The following FBXL20 variants were observed in gnomAD, a reference collection of about 807,000 sequenced individuals.
The protein encoded by FBXL20 is F-box and leucine rich repeat protein 20, also known as F-box/LRR-repeat protein 20.
FBXL20 carries 11 observed loss-of-function variants against 64.0 expected under a neutral mutation model. The observed-to-expected ratio is 0.17, with a 90% confidence interval of 0.11 to 0.28. The LOEUF (loss-of-function observed/expected upper bound fraction) is 0.28, where lower values mean the gene tolerates loss of function less well. FBXL20 is among the 10% of genes least tolerant of loss of function. The pLI is 1.00. For synonymous variants in FBXL20, 184 were observed against 189.0 expected, an observed-to-expected ratio of 0.97 and a Z score of 0.22; for missense variants, 303 against 526.2, an observed-to-expected ratio of 0.58 and a Z score of 4.15.
At chr17:39,303,316 A>T (rs1399941754) in intron 3 of FBXL20, among the ~76,000 whole-genome samples, 1 of 152,144 alleles carries the variant, frequency 6.6e-6, no homozygotes, top group Non-Finnish European at 1.5e-5. Flanking sequence ...TCAAGTCTAA[A>T]CTTTTAATAT....
At chr17:39,372,516 CAAAAAAAAAAAAAAA>C (rs747264126) in intron 1 of FBXL20, among the ~76,000 whole-genome samples, 1 of 41,162 alleles carries the variant, frequency 2.4e-5, no homozygotes, top group Admixed American at 3.4e-4. Flanking sequence ...AGACTCTGAC[CAAAAAAAAAAAAAAA>C]AAAAAAAAAA....
At chr17:39,363,185 T>G (rs766256260) in intron 1 of FBXL20, among the ~76,000 whole-genome samples, 2 of 151,872 alleles carry the variant, frequency 1.3e-5, no homozygotes, top group East Asian at 3.9e-4. Flanking sequence ...TAATTTTTTT[T>G]GTATTTTTAG....
chr17:39,384,236 AAAAT>A (rs1243664936), intron 1 of FBXL20, among the ~76,000 whole-genome samples: 1 of 152,118 alleles, frequency 6.6e-6, no homozygotes, highest in African/African-American at 2.4e-5. Flanking sequence ...CCTCCTCAAA[AAAAT>A]AAATAGGCCA....
At chr17:39,390,649 C>A (rs536644221) in intron 1 of FBXL20, among the ~76,000 whole-genome samples, 26 of 152,122 alleles carry the variant, frequency 1.7e-4, no homozygotes, top group African/African-American at 5.3e-4. Context: ...ATGGCCTGGG[C>A]CCCAGAGGTC....
At chr17:39,378,081 G>T (rs190620717) in intron 1 of FBXL20, among the ~76,000 whole-genome samples, 8 of 152,232 alleles carry the variant, frequency 5.3e-5, no homozygotes, top group Admixed American at 2.6e-4. Context: ...AATACAGACT[G>T]TACAGAATTA....
At chr17:39,314,295 G>A (rs1265727372) in intron 2 of FBXL20, among the ~76,000 whole-genome samples, 2 of 152,064 alleles carry the variant, frequency 1.3e-5, no homozygotes, top group Admixed American at 6.6e-5. Context: ...ATATCCTACT[G>A]TATCCATTCT....
intron 2 of FBXL20, among the ~76,000 whole-genome samples, chr17:39,317,086 T>C (rs2047300034): frequency 6.6e-6 from 1 of 152,228 alleles, no homozygotes; most frequent in African/African-American, 2.4e-5. Context: ...CTTCCCAATG[T>C]AATTTAATTT....
chr17:39,272,162 G>A (rs925437330), intron 10 of FBXL20, among the ~76,000 whole-genome samples: 2 of 151,934 alleles, frequency 1.3e-5, no homozygotes, highest in South Asian at 2.1e-4. Flanking sequence ...CGAGGCAGGC[G>A]GATCACGAGG....
chr17:39,276,221 G>GA (rs1215336803), intron 9 of FBXL20, among the ~76,000 whole-genome samples: 3,160 of 60,656 alleles, frequency 0.052, 162 homozygotes, highest in African/African-American at 0.17. Context: ...AGCAAGAAAA[G>GA]AAAAAAAAAA....
intron 1 of FBXL20, among the ~76,000 whole-genome samples, chr17:39,368,659 GTTTTT>G (rs1477207166): frequency 6.6e-6 from 1 of 151,904 alleles, no homozygotes; most frequent in Admixed American, 6.6e-5. Flanking sequence ...TTTTTTGTTT[GTTTTT>G]TGTTTTATTG....
rs750461265 is a variant in FBXL20 at position 39,303,674 on chromosome 17, T to G, written c.105-35A>C. On this transcript the variant is annotated intron_variant, in intron 2 of 14. Transcript: ENST00000264658. The stretch of plus-strand genomic sequence containing the variant: ...AAAGAGAGAAAGACAAATTTTATTG[T>G]ATGATAAAGTAGTTGACCTTTATTT... 4 of 1,557,768 alleles carry G rather than the reference T, an allele frequency of 2.6e-6. No homozygotes were observed. The Admixed American group carries it at 7.3e-5, about 28-fold the overall frequency.
At chr17:39,268,937 G>A in intron 11 of FBXL20, 66 bp from the exon 12 acceptor site, 1 of 1,426,488 alleles carries the variant, frequency 7.0e-7, no homozygotes, top group Non-Finnish European at 9.8e-7. Context: ...AAACTTTTAA[G>A]GACAGAAAAC....
chr17:39,355,855 C>CCAA (rs2047732922), intron 1 of FBXL20, among the ~76,000 whole-genome samples: 2 of 67,618 alleles, frequency 3.0e-5, no homozygotes, highest in African/African-American at 5.3e-5. Flanking sequence ...GACTTCGTCT[C>CCAA]AAAAAAAAAA....
chr17:39,350,720 C>A (rs2047679972), intron 1 of FBXL20, among the ~76,000 whole-genome samples: 1 of 152,134 alleles, frequency 6.6e-6, no homozygotes, highest in Non-Finnish European at 1.5e-5. Context: ...AGTCTCCTAA[C>A]TCCAGGTTTG....
intron 7 of FBXL20, among the ~76,000 whole-genome samples, chr17:39,284,297 A>G (rs2046971068): frequency 6.6e-6 from 1 of 152,230 alleles, no homozygotes; most frequent in African/African-American, 2.4e-5. Context: ...TACACAGCAA[A>G]CCGTCTTAGG....
chr17:39,359,579 G>A (rs551879099), intron 1 of FBXL20, among the ~76,000 whole-genome samples: 1 of 152,054 alleles, frequency 6.6e-6, no homozygotes, highest in African/African-American at 2.4e-5. Flanking sequence ...CTCCGGCCTG[G>A]GCAACAAGAG....
At chr17:39,387,933 C>T (rs1192877892) in intron 1 of FBXL20, among the ~76,000 whole-genome samples, 1 of 151,912 alleles carries the variant, frequency 6.6e-6, no homozygotes, top group African/African-American at 2.4e-5. Context: ...TATCAGGGCA[C>T]AGTCCCATCT....
Position 39,301,086 on chromosome 17 carries a change from G to C in FBXL20, c.160-11C>G, listed in dbSNP as rs1567870237. 2 of 1,611,352 alleles carry C rather than the reference G, an allele frequency of 1.2e-6. No homozygotes were observed. The highest frequency in any genetic ancestry group is 4.5e-5 in the East Asian group (2 of 44,810). ...CAGAACATTCCAGGCCTATTTTAAAGAAAAAGAGACAGAATGAGCAGAAGC... is the reference window on the plus strand; with the variant it reads ...CAGAACATTCCAGGCCTATTTTAAACAAAAAGAGACAGAATGAGCAGAAGC... On this transcript the variant is annotated splice_polypyrimidine_tract_variant and intron_variant, in intron 3 of 14. Transcript: ENST00000264658.
intron 1 of FBXL20, among the ~76,000 whole-genome samples, chr17:39,359,708 T>A (rs919733347): frequency 6.6e-6 from 1 of 152,142 alleles, no homozygotes; most frequent in African/African-American, 2.4e-5. Context: ...GAAAATGGTG[T>A]GGCTGCTACA....
Sources: allele counts gnomAD v4.1 joint callset (sites outside exome capture counted in the v4.1 genomes callset), GRCh38; gene constraint gnomAD v4.1.1; transcripts MANE v1.5; gene names NCBI Gene and HGNC (gene_info 2026-07-23, HGNC 2026-07-21).